Variants in FGF14 observed in about 807,000 individuals in gnomAD.
The protein encoded by FGF14 is fibroblast growth factor 14, also known as fibroblast growth factor homologous factor 4.
Under a neutral mutation model 25.5 loss-of-function variants are expected in FGF14, and 5 were observed. That is an observed-to-expected ratio of 0.20 (90% confidence interval 0.10 to 0.41). The LOEUF is 0.41. Among genes scored for constraint, FGF14 ranks in the 10% least tolerant of loss-of-function variants. The pLI is 1.00. For missense variants in FGF14, 222 were observed against 320.1 expected, an observed-to-expected ratio of 0.69 and a Z score of 2.34; for synonymous variants, 138 against 118.3, an observed-to-expected ratio of 1.17 and a Z score of -1.08.
chr13:102,177,435 A>G (rs1224611922), intron 1 of FGF14, among the ~76,000 whole-genome samples: 1 of 152,090 alleles, frequency 6.6e-6, no homozygotes, highest in African/African-American at 2.4e-5. Context: ...TAAACTCCTC[A>G]TTTTACTTAT....
intron 1 of FGF14, among the ~76,000 whole-genome samples, chr13:102,286,319 G>C (rs1446792858): frequency 7.0e-6 from 1 of 143,122 alleles, no homozygotes; most frequent in Non-Finnish European, 1.5e-5. Flanking sequence ...GCTGCCCAAA[G>C]CTCACCCATC....
chr13:102,031,764 A>C, intron 1 of FGF14, among the ~76,000 whole-genome samples: 1 of 152,124 alleles, frequency 6.6e-6, no homozygotes, highest in Non-Finnish European at 1.5e-5. Flanking sequence ...TTAGAAATGT[A>C]TTTCCTTAAG....
intron 1 of FGF14, among the ~76,000 whole-genome samples, chr13:102,113,548 A>T (rs1262956197): frequency 6.6e-6 from 1 of 152,142 alleles, no homozygotes; most frequent in Non-Finnish European, 1.5e-5. Context: ...TTCTACATTG[A>T]CTCCACCTAA....
intron 1 of FGF14, among the ~76,000 whole-genome samples, chr13:102,311,471 C>T (rs540033660): frequency 2.9e-4 from 44 of 152,138 alleles, no homozygotes; most frequent in Non-Finnish European, 5.4e-4. Context: ...GTCCATCCTT[C>T]CCCACAGCTG....
chr13:102,194,248 T>C lies in FGF14; in HGVS notation c.208+207223A>G, dbSNP rs544071572. Among the ~76,000 whole-genome samples, 13 of 152,302 alleles carry C rather than the reference T, an allele frequency of 8.5e-5. No homozygotes were observed. The South Asian group carries it at 2.7e-3, about 32-fold the overall frequency. On this transcript the variant is annotated intron_variant, in intron 1 of 4. Coordinates refer to the FGF14 transcript ENST00000376131. ...TACATATTAAATACACATTAAAATGTATTGTAAATGCTTTATTTTTCTCTT... is the reference window on the plus strand; with the variant it reads ...TACATATTAAATACACATTAAAATGCATTGTAAATGCTTTATTTTTCTCTT...
intron 1 of FGF14, among the ~76,000 whole-genome samples, chr13:102,381,182 T>C (rs537190632): frequency 2.6e-5 from 4 of 152,282 alleles, no homozygotes; most frequent in East Asian, 1.9e-4. Flanking sequence ...CACTGTAAAG[T>C]TGAGTAATAG....
At chr13:102,056,415 G>C (rs2042431765) in intron 1 of FGF14, among the ~76,000 whole-genome samples, 1 of 152,166 alleles carries the variant, frequency 6.6e-6, no homozygotes, top group African/African-American at 2.4e-5. Flanking sequence ...ACCAACAGCA[G>C]AGATTAACAT....
At chr13:102,136,747 A>T (rs941699511) in intron 1 of FGF14, among the ~76,000 whole-genome samples, 10 of 152,038 alleles carry the variant, frequency 6.6e-5, no homozygotes, top group South Asian at 2.1e-4. Context: ...GACTGATCTG[A>T]ATATGGAAAT....
At chr13:101,955,103 G>A (rs950482175) in intron 1 of FGF14, among the ~76,000 whole-genome samples, 1 of 152,180 alleles carries the variant, frequency 6.6e-6, no homozygotes, top group Non-Finnish European at 1.5e-5. Context: ...TGAATAGTGT[G>A]GATGGGCGCA....
At chr13:102,233,925 A>G (rs1304263333) in intron 1 of FGF14, among the ~76,000 whole-genome samples, 1 of 152,228 alleles carries the variant, frequency 6.6e-6, no homozygotes, top group Non-Finnish European at 1.5e-5. Flanking sequence ...ACTGTTAAAT[A>G]AACTATGCTC....
chr13:102,318,176 C>T (rs1386413013), intron 1 of FGF14, among the ~76,000 whole-genome samples: 2 of 152,160 alleles, frequency 1.3e-5, no homozygotes, highest in Non-Finnish European at 2.9e-5. Flanking sequence ...AGCACACCTG[C>T]AGACATTTAG....
intron 1 of FGF14, among the ~76,000 whole-genome samples, chr13:102,082,442 TAA>T (rs2140201417): frequency 6.6e-6 from 1 of 152,350 alleles, no homozygotes; most frequent in Non-Finnish European, 1.5e-5. Context: ...TAGTTCTCAT[TAA>T]TTTCAATAAC....
At position 102,401,330 on chromosome 13, in the gene FGF14, C is replaced by T. The variant is rs1012711368; in HGVS notation, c.208+141G>A. 4 of 775,008 alleles carry T rather than the reference C, an allele frequency of 5.2e-6. No homozygotes were observed. The Admixed American group carries it at 8.1e-5, about 16-fold the overall frequency. The allele number at this position is 775,008 out of a possible 1,614,324, so 48.0% of individuals were successfully genotyped here. ...TCCAGCTGTTACTTGTTTATTCATGCAACACCTCTATATGCAACACTGTCC... is the reference window on the plus strand; with the variant it reads ...TCCAGCTGTTACTTGTTTATTCATGTAACACCTCTATATGCAACACTGTCC... On this transcript the variant is annotated intron_variant, in intron 1 of 4. Transcript: ENST00000376131.
intron 1 of FGF14, among the ~76,000 whole-genome samples, chr13:102,106,278 T>C (rs2044907083): frequency 6.6e-6 from 1 of 152,100 alleles, no homozygotes; most frequent in Admixed American, 6.5e-5. Flanking sequence ...TCTTACTAAC[T>C]GAAAAGCCTT....
At chr13:101,747,941 A>T (rs934705056) in intron 3 of FGF14, among the ~76,000 whole-genome samples, 1 of 151,938 alleles carries the variant, frequency 6.6e-6, no homozygotes, top group African/African-American at 2.4e-5. Flanking sequence ...AGAAAGAATA[A>T]TTATCATTAT....
At chr13:101,953,842 G>A (rs947956554) in intron 1 of FGF14, among the ~76,000 whole-genome samples, 11 of 151,854 alleles carry the variant, frequency 7.2e-5, no homozygotes, top group African/African-American at 2.7e-4. Context: ...CACCCACCTC[G>A]GCCTCTCAAA....
chr13:102,203,591 A>G (rs2049770056), intron 1 of FGF14, among the ~76,000 whole-genome samples: 1 of 152,180 alleles, frequency 6.6e-6, no homozygotes, highest in Non-Finnish European at 1.5e-5. Flanking sequence ...GTGAAATTTA[A>G]TTATGTTTTA....
At chr13:102,351,084 G>A (rs940101646) in intron 1 of FGF14, among the ~76,000 whole-genome samples, 26 of 152,070 alleles carry the variant, frequency 1.7e-4, no homozygotes, top group Non-Finnish European at 2.9e-5. Flanking sequence ...AGGCCTCGTG[G>A]AAATCTCTCC....
At chr13:101,900,813 T>C (rs527979256) in intron 1 of FGF14, among the ~76,000 whole-genome samples, 1 of 152,314 alleles carries the variant, frequency 6.6e-6, no homozygotes, top group Non-Finnish European at 1.5e-5. Context: ...TGGACTTCTT[T>C]TAATGTGCAT....
Sources: allele counts gnomAD v4.1 joint callset (sites outside exome capture counted in the v4.1 genomes callset), GRCh38; gene constraint gnomAD v4.1.1; transcripts MANE v1.5; gene names NCBI Gene and HGNC (gene_info 2026-07-23, HGNC 2026-07-21).